QSER1: variants seen among roughly 807,000 people sequenced by gnomAD.
QSER1 encodes the protein glutamine and serine-rich protein 1.
In QSER1, 49 loss-of-function variants were observed where a neutral mutation model predicts 158.5. The ratio of observed to expected loss-of-function variants is 0.31; its 90% CI spans 0.25 to 0.39. The LOEUF (loss-of-function observed/expected upper bound fraction) is 0.39, where lower values mean the gene tolerates loss of function less well. Ranked by LOEUF, QSER1 falls within the 10% of genes least tolerant of loss-of-function variation. QSER1 has a pLI of 1.00. For missense variants in QSER1, 1,754 were observed against 2,010.3 expected, an observed-to-expected ratio of 0.87 and a Z score of 2.44; for synonymous variants, 650 against 715.5, an observed-to-expected ratio of 0.91 and a Z score of 1.46.
chr11:32,917,083 G>A (rs1011088520), intron 1 of QSER1, among the ~76,000 whole-genome samples: 3 of 152,158 alleles, frequency 2.0e-5, no homozygotes, highest in Non-Finnish European at 2.9e-5. Context: ...CACCACGCCC[G>A]GCCGGGCATG....
At position 32,957,871 on chromosome 11, in the gene QSER1, C is replaced by G. The variant is rs560312089; in HGVS notation, c.4754C>G (p.Thr1585Ser). ...PRNKPSQTIRTVQAKPSSSSK... is the reference protein window; with the variant it reads ...PRNKPSQTIRSVQAKPSSSSK... ...GAAGTTTGTTTATAACATTGCAGAA[C>G]TGTTCAAGCTAAGCCAAGTAGTAGC... Residue 1585 changes from threonine to serine, a missense_variant and splice_region_variant, in exon 8 of 13, where the codon ACT becomes AGT. By Grantham distance (58) the Thr-to-Ser change is moderately conservative (BLOSUM62 1). Transcript: ENST00000650167. The G allele has an allele frequency of 6.2e-7, 1 of 1,612,604 alleles. No homozygotes were observed. The highest frequency in any genetic ancestry group is 1.7e-5 in the Admixed American group (1 of 59,826).
At position 32,966,353 on chromosome 11, in the gene QSER1, A is replaced by G; in HGVS notation, c.5023A>G (p.Lys1675Glu). The change falls in exon 9 of 13, where the codon AAG (lysine) becomes GAG (glutamate). Residue 1675 changes from lysine to glutamate, a missense_variant. Physicochemically the swap from Lys to Glu is moderately conservative, Grantham distance 56. Around this residue, in one of 2 missense-constraint regions of QSER1, gnomAD observed 1,707 missense variants for 1,919.6 expected, o/e 0.89. Coordinates refer to ENST00000650167, the MANE Select transcript of QSER1 (RefSeq NM_001076786.3). The stretch of plus-strand genomic sequence containing the variant: ...TCGCTTTTTGAACACAAGAGCAATG[A>G]AGGAAACCTTTAAGAGCTACATGGA... ...VTRFLNTRAM[K>E]ETFKSYMELL... 6.2e-7 allele frequency: 1 copy of G among 1,614,108 alleles called. No homozygotes were observed. Among genetic ancestry groups the G allele is most frequent in the Non-Finnish European group, 8.5e-7 (1 of 1,179,970 alleles).
intron 3 of QSER1, 83 bp downstream of exon 3, chr11:32,928,206 G>A: frequency 1.2e-6 from 1 of 817,160 alleles, no homozygotes; most frequent in Non-Finnish European, 2.0e-6. Context: ...CATTGTGGCT[G>A]GGAGTTTTGT....
intron 1 of QSER1, among the ~76,000 whole-genome samples, chr11:32,907,574 G>A (rs1851710552): frequency 1.3e-5 from 2 of 152,160 alleles, no homozygotes; most frequent in South Asian, 2.1e-4. Context: ...ACATTTCGTA[G>A]CACCCATACA....
At chr11:32,945,283 T>C (rs1852310577) in intron 4 of QSER1, among the ~76,000 whole-genome samples, 1 of 151,846 alleles carries the variant, frequency 6.6e-6, no homozygotes, top group African/African-American at 2.4e-5. Flanking sequence ...GTCATTATGA[T>C]GTTAGCTGGT....
chr11:32,957,435 C>T (rs1347227055), intron 7 of QSER1, among the ~76,000 whole-genome samples: 1 of 152,076 alleles, frequency 6.6e-6, no homozygotes, highest in South Asian at 2.1e-4. Flanking sequence ...GCCACCGCGC[C>T]GCATTTGGGT....
intron 8 of QSER1, among the ~76,000 whole-genome samples, chr11:32,961,570 A>C (rs1310147425): frequency 1.3e-5 from 2 of 152,184 alleles, no homozygotes; most frequent in East Asian, 3.8e-4. Context: ...CTATATTTCC[A>C]AAACTTTTAT....
intron 2 of QSER1, among the ~76,000 whole-genome samples, chr11:32,927,482 A>T (rs1851987970): frequency 6.6e-6 from 1 of 152,100 alleles, no homozygotes; most frequent in African/African-American, 2.4e-5. Flanking sequence ...ATCTTGGCTG[A>T]CTGCAACCTC....
At position 32,894,575 on chromosome 11, in the gene QSER1, G is replaced by A. The variant is rs199614096; in HGVS notation, c.209+1241G>A. Among the ~76,000 whole-genome samples, 25 of 152,272 alleles carry A rather than the reference G, an allele frequency of 1.6e-4. No homozygotes were observed. The East Asian group carries it at 4.6e-3, about 28-fold the overall frequency. On this transcript the variant is annotated intron_variant, in intron 1 of 12. Coordinates refer to ENST00000650167, the MANE Select transcript of QSER1 (RefSeq NM_001076786.3). ...TTCTTTGTTTTTACGAAAGTTCTAC[G>A]TTCATGATTGAGCAAATAAGTGTGA...
rs527274585 is a variant in QSER1, at chr11:32,932,112, T to C, written c.854T>C (p.Leu285Pro). The C allele has an allele frequency of 1.1e-5, 17 of 1,614,182 alleles. No individual in the cohort carries two copies. The South Asian group carries it at 1.8e-4, about 17-fold the overall frequency. The change falls in exon 4 of 13, where the codon CTT becomes CCT. Residue 285 changes from leucine to proline, a missense_variant. By Grantham distance (98) the Leu-to-Pro change is moderately conservative. Around this residue, in one of 2 missense-constraint regions of QSER1, gnomAD observed 1,707 missense variants for 1,919.6 expected, o/e 0.89. Transcript: ENST00000650167. ...QPQFSLLPSA[L>P]GGSQQTPQAY... ...CAATTTAGTTTGTTGCCTTCAGCAC[T>C]TGGGGGATCCCAGCAGACTCCTCAA...
In QSER1 at chr11:32,935,097, CTTCT is replaced by C; in HGVS notation, c.3845_3848del (p.Phe1282Ter). The C allele has an allele frequency of 1.9e-6, 3 of 1,614,022 alleles. No homozygotes were observed. Among genetic ancestry groups the C allele is most frequent in the Non-Finnish European group, 1.7e-6 (2 of 1,179,978 alleles). On this transcript the variant is annotated frameshift_variant, in exon 4 of 13. Transcript: ENST00000650167. LOFTEE classifies it high-confidence loss of function. ...CCAGAAGTCAAAACAGGATTTATTG[CTTCT>C]TTCTTAGATTTTCTGAAATCCGGGC...
At chr11:32,942,411 A>G (rs932577236) in intron 4 of QSER1, among the ~76,000 whole-genome samples, 9 of 145,232 alleles carry the variant, frequency 6.2e-5, no homozygotes, top group Non-Finnish European at 1.2e-4. Context: ...ATTTTTGTAT[A>G]AGGTGTAAGG....
At chr11:32,899,614 T>C (rs970186078) in intron 1 of QSER1, among the ~76,000 whole-genome samples, 6 of 152,072 alleles carry the variant, frequency 3.9e-5, no homozygotes, top group Non-Finnish European at 8.8e-5. Context: ...AGTGGCCATC[T>C]CTCAGTTTCT....
intron 4 of QSER1, among the ~76,000 whole-genome samples, chr11:32,946,309 C>T (rs985828628): frequency 6.6e-5 from 10 of 152,212 alleles, no homozygotes; most frequent in Non-Finnish European, 1.0e-4. Flanking sequence ...GGAGGAGAGA[C>T]GCTCTGATTT....
intron 1 of QSER1, among the ~76,000 whole-genome samples, chr11:32,925,531 T>C (rs1051842788): frequency 1.3e-5 from 2 of 149,066 alleles, no homozygotes; most frequent in African/African-American, 2.4e-5. Flanking sequence ...TATTTATTTA[T>C]TTATTTATTT....
rs530384381 is a variant in QSER1, at chr11:32,940,697, T to C, written c.4177+5262T>C. On this transcript the variant is annotated intron_variant, in intron 4 of 12. Transcript: ENST00000650167. ...TTACATTTTCTAGGAAAATCATTCA[T>C]TTAGATTGTAAACTTTGTTGTAAAG... Among the ~76,000 whole-genome samples, 5 of 152,290 alleles carry C rather than the reference T, an allele frequency of 3.3e-5. No homozygotes were observed. The South Asian group carries it at 1.0e-3, about 32-fold the overall frequency.
At chr11:32,945,655 T>A (rs1236065111) in intron 4 of QSER1, among the ~76,000 whole-genome samples, 1 of 150,532 alleles carries the variant, frequency 6.6e-6, no homozygotes, top group African/African-American at 2.4e-5. Flanking sequence ...CCTTTCTCTC[T>A]GGCTGCCCTT....
At chr11:32,929,597 C>T (rs571495518) in intron 3 of QSER1, among the ~76,000 whole-genome samples, 2 of 152,030 alleles carry the variant, frequency 1.3e-5, no homozygotes, top group South Asian at 4.2e-4. Flanking sequence ...AACTAATGTA[C>T]TCTAAATGGG....
intron 1 of QSER1, among the ~76,000 whole-genome samples, chr11:32,912,689 G>A (rs1382613349): frequency 2.6e-5 from 4 of 152,038 alleles, no homozygotes; most frequent in Admixed American, 1.3e-4. Context: ...TGGAAGAATC[G>A]CTTGAGTCCA....
Sources: allele counts gnomAD v4.1 joint callset (sites outside exome capture counted in the v4.1 genomes callset), GRCh38; gene constraint gnomAD v4.1.1; regional missense constraint gnomAD v4.1.1; transcripts MANE v1.5; gene names NCBI Gene and HGNC (gene_info 2026-07-23, HGNC 2026-07-21).